PITPNC1: variants seen among roughly 807,000 people sequenced by gnomAD.
PITPNC1 encodes the protein phosphatidylinositol transfer protein cytoplasmic 1, also known as cytoplasmic phosphatidylinositol transfer protein 1.
A neutral mutation model predicts 44.7 loss-of-function variants in PITPNC1; 18 were observed. The observed-to-expected ratio is 0.40, with a 90% CI of 0.28 to 0.60. The LOEUF is 0.60. Among genes scored for constraint, PITPNC1 ranks in the 20% least tolerant of loss-of-function variants. PITPNC1 has a pLI of 0.39. For missense variants in PITPNC1, 290 were observed against 418.4 expected, an observed-to-expected ratio of 0.69 and a Z score of 2.68; for synonymous variants, 141 against 149.6, an observed-to-expected ratio of 0.94 and a Z score of 0.42.
chr17:67,554,196 G>A (rs12944372), intron 4 of PITPNC1, among the ~76,000 whole-genome samples: 4,215 of 150,810 alleles, frequency 0.028, 87 homozygotes, highest in Middle Eastern at 0.066. Flanking sequence ...TTTTCATTTA[G>A]ATCATTTTCC....
intron 2 of PITPNC1, among the ~76,000 whole-genome samples, chr17:67,539,836 T>TCAAACAAA (rs59912599): frequency 3.9e-5 from 6 of 152,022 alleles, no homozygotes; most frequent in African/African-American, 1.5e-4. Flanking sequence ...AGACGCCGTC[T>TCAAACAAA]CAAACAAACA....
intron 8 of PITPNC1, among the ~76,000 whole-genome samples, chr17:67,690,898 T>C (rs1194720279): frequency 2.0e-5 from 3 of 151,792 alleles, no homozygotes; most frequent in African/African-American, 7.3e-5. Context: ...AGGTTAGGAG[T>C]TCGAGACCAG....
chr17:67,548,673 T>C lies in PITPNC1; in HGVS notation c.198-3584T>C, dbSNP rs2706693. Among the ~76,000 whole-genome samples the C allele has an allele frequency of 9.6e-3, 1,459 of 152,312 alleles. 17 individuals are homozygous for C. Among genetic ancestry groups the C allele is most frequent in the African/African-American group, 0.034 (1,411 of 41,564 alleles). ...GGCATTGACAAGGCATCTGGGGGAATATGATGCTGCTTGTGGTATCATTTT... is the reference window on the plus strand; with the variant it reads ...GGCATTGACAAGGCATCTGGGGGAACATGATGCTGCTTGTGGTATCATTTT... On this transcript the variant is annotated intron_variant, in intron 2 of 8. Transcript: ENST00000581322.
chr17:67,384,301 G>A (rs1018096371), intron 1 of PITPNC1, among the ~76,000 whole-genome samples: 1 of 151,922 alleles, frequency 6.6e-6, no homozygotes, highest in African/African-American at 2.4e-5. Flanking sequence ...CTTCATCCAG[G>A]CACCCCCAGG....
intron 1 of PITPNC1, among the ~76,000 whole-genome samples, chr17:67,451,850 A>T (rs1387390244): frequency 6.6e-6 from 1 of 151,746 alleles, no homozygotes; most frequent in Non-Finnish European, 1.5e-5. Context: ...GCTAGCCAGG[A>T]TGGTCTCAAT....
intron 8 of PITPNC1, among the ~76,000 whole-genome samples, chr17:67,690,175 C>T (rs957054082): frequency 1.3e-5 from 2 of 152,128 alleles, no homozygotes; most frequent in South Asian, 2.1e-4. Flanking sequence ...AAGCTGGGCA[C>T]GGTGGCTCAT....
intron 1 of PITPNC1, among the ~76,000 whole-genome samples, chr17:67,385,489 C>T (rs908226027): frequency 7.1e-5 from 10 of 140,710 alleles, no homozygotes; most frequent in African/African-American, 2.3e-4. Flanking sequence ...CCTCCCCCCT[C>T]CCCTCCCCCC....
chr17:67,421,931 T>C (rs1042673153), intron 1 of PITPNC1, among the ~76,000 whole-genome samples: 2 of 152,132 alleles, frequency 1.3e-5, no homozygotes, highest in Admixed American at 6.5e-5. Flanking sequence ...AGGAATAACA[T>C]TGAGAGGCAA....
chr17:67,681,779 A>G (rs181738836), intron 8 of PITPNC1, among the ~76,000 whole-genome samples: 4 of 152,304 alleles, frequency 2.6e-5, no homozygotes, highest in Admixed American at 6.5e-5. Flanking sequence ...GATAGCAAAA[A>G]TTTAAGAGTG....
At chr17:67,381,011 G>A (rs1598595742) in intron 1 of PITPNC1, among the ~76,000 whole-genome samples, 1 of 152,086 alleles carries the variant, frequency 6.6e-6, no homozygotes, top group Non-Finnish European at 1.5e-5. Context: ...GAGCTTGAGT[G>A]ATCCTCCTGC....
chr17:67,605,581 A>G (rs1411700060), intron 5 of PITPNC1, among the ~76,000 whole-genome samples: 3 of 152,140 alleles, frequency 2.0e-5, no homozygotes, highest in Admixed American at 6.6e-5. Flanking sequence ...TTTTCTGTCA[A>G]CCTTCTAAAT....
At position 67,644,782 on chromosome 17, in the gene PITPNC1, G is replaced by GGCCA. The variant is rs911860581; in HGVS notation, c.462+12549_462+12552dup. 8.2e-4 allele frequency among the ~76,000 whole-genome samples: 125 copies of GGCCA among 152,168 alleles called. 1 individual carries two copies. The highest frequency in any genetic ancestry group is 9.4e-4 in the Non-Finnish European group (64 of 68,014). On this transcript the variant is annotated intron_variant, in intron 6 of 8. Coordinates refer to ENST00000581322, the MANE Select transcript of PITPNC1 (RefSeq NM_012417.4). ...GTCCACACAAGTTGCTCATAACTGG[G>GGCCA]GCCAGCCACATCAGCCCCTGCTGTT...
At chr17:67,491,992 CTTTT>C (rs954418285) in intron 1 of PITPNC1, among the ~76,000 whole-genome samples, 2 of 145,502 alleles carry the variant, frequency 1.4e-5, no homozygotes, top group Admixed American at 1.4e-4. Context: ...AGCGGTCTTC[CTTTT>C]TTTTTCTTTT....
chr17:67,652,733 A>G (rs937831826), intron 6 of PITPNC1, among the ~76,000 whole-genome samples: 12 of 152,216 alleles, frequency 7.9e-5, no homozygotes, highest in East Asian at 5.8e-4. Context: ...CAGCGGAGCC[A>G]GATGCCACTA....
intron 8 of PITPNC1, 129 bp from the exon 9 acceptor site, chr17:67,692,443 G>T (rs1370008757): frequency 1.5e-6 from 1 of 658,030 alleles, no homozygotes; most frequent in South Asian, 1.9e-5. Context: ...GATACTTTGG[G>T]TGTATAATCG....
intron 5 of PITPNC1, among the ~76,000 whole-genome samples, chr17:67,630,671 C>G (rs1439376942): frequency 1.3e-5 from 2 of 151,812 alleles, no homozygotes; most frequent in Non-Finnish European, 2.9e-5. Flanking sequence ...AGAAAAATGA[C>G]AGTGAGAAGA....
chr17:67,477,073 G>A (rs1458430527), intron 1 of PITPNC1, among the ~76,000 whole-genome samples: 5 of 152,074 alleles, frequency 3.3e-5, no homozygotes, highest in Admixed American at 3.3e-4. Flanking sequence ...TGGTGTCTGT[G>A]GAGGATGTCT....
At chr17:67,575,482 C>G (rs1598840432) in intron 4 of PITPNC1, among the ~76,000 whole-genome samples, 1 of 152,206 alleles carries the variant, frequency 6.6e-6, no homozygotes, top group African/African-American at 2.4e-5. Context: ...CCTTGTTTCA[C>G]TCAGATTAAG....
chr17:67,655,420 C>T (rs983987401), intron 6 of PITPNC1, among the ~76,000 whole-genome samples: 1 of 151,818 alleles, frequency 6.6e-6, no homozygotes, highest in Non-Finnish European at 1.5e-5. Context: ...ATTAGCCAGG[C>T]GTGGTGGCAG....
Sources: gnomAD v4.1 joint callset for allele counts (sites outside exome capture counted in the v4.1 genomes callset) on GRCh38, gnomAD v4.1.1 for gene constraint, MANE v1.5 for transcripts, NCBI Gene and HGNC (gene_info 2026-07-23, HGNC 2026-07-21) for gene names.